Variants in TMIGD3 observed in about 807,000 individuals in gnomAD.
The protein encoded by TMIGD3 is transmembrane and immunoglobulin domain containing 3.
Under a neutral mutation model 28.1 loss-of-function variants are expected in TMIGD3, and 21 were observed. The ratio of observed to expected loss-of-function variants is 0.75; its 90% CI spans 0.53 to 1.08. TMIGD3 has a LOEUF of 1.08. Among genes scored for constraint, TMIGD3 ranks in the 50% least tolerant of loss-of-function variants. The pLI, the probability that TMIGD3 is intolerant of heterozygous loss-of-function variation, is 0.00. For missense variants in TMIGD3, 416 were observed against 435.6 expected (o/e 0.96, Z 0.40); for synonymous variants, 151 against 162.1 (o/e 0.93, Z 0.52).
chr1:111,554,348 A>T (rs997516863), intron 1 of TMIGD3, among the ~76,000 whole-genome samples: 5 of 152,252 alleles, frequency 3.3e-5, no homozygotes, highest in Admixed American at 1.3e-4. Flanking sequence ...ATAAAAAATT[A>T]AAAACATCTT....
chr1:111,499,626 C>G, intron 1 of TMIGD3: 2 of 1,115,666 alleles, frequency 1.8e-6, no homozygotes, highest in Non-Finnish European at 2.2e-6. Flanking sequence ...AGCCTTTTGT[C>G]AGTAAGTCAA....
intron 1 of TMIGD3, 45 bp downstream of exon 1, chr1:111,502,959 AT>A: frequency 1.3e-6 from 2 of 1,598,178 alleles, no homozygotes; most frequent in Non-Finnish European, 1.7e-6. Context: ...TTGTAGCCTC[AT>A]TTCCCAGCTG....
At chr1:111,563,244 A>G (rs569316937) in intron 1 of TMIGD3, among the ~76,000 whole-genome samples, 72 of 152,270 alleles carry the variant, frequency 4.7e-4, no homozygotes, top group African/African-American at 1.7e-3. Context: ...CCACTGTACT[A>G]CAGCCAGGGC....
upstream of TMIGD3, among the ~76,000 whole-genome samples, chr1:111,506,805 G>A (rs1465988367): frequency 4.0e-5 from 6 of 151,754 alleles, no homozygotes; most frequent in South Asian, 2.1e-4. Flanking sequence ...TGAGCAGGTC[G>A]CTGGTAAGGC....
At chr1:111,525,370 A>G (rs541507331) in intron 1 of TMIGD3, among the ~76,000 whole-genome samples, 1 of 152,374 alleles carries the variant, frequency 6.6e-6, no homozygotes, top group South Asian at 2.1e-4. Flanking sequence ...ATAAAAGTTT[A>G]GAATTACTAG....
upstream of TMIGD3, among the ~76,000 whole-genome samples, chr1:111,507,009 ATGTG>A (rs1257817741): frequency 2.5e-4 from 33 of 132,178 alleles, no homozygotes; most frequent in South Asian, 4.7e-4. Flanking sequence ...ACACACACAT[ATGTG>A]TGTGTGTGTG....
intron 1 of TMIGD3, among the ~76,000 whole-genome samples, chr1:111,520,997 T>C (rs1218911798): frequency 6.7e-6 from 1 of 149,644 alleles, no homozygotes; most frequent in African/African-American, 2.5e-5. Context: ...CTCTTTGTAA[T>C]CCCTCCCTCC....
At chr1:111,484,902 T>C (rs1240019414) in intron 5 of TMIGD3, among the ~76,000 whole-genome samples, 1 of 152,244 alleles carries the variant, frequency 6.6e-6, no homozygotes, top group African/African-American at 2.4e-5. Context: ...CAGTGGCAAC[T>C]GTGCAATGTT....
At chr1:111,522,835 A>G (rs954308058) in intron 1 of TMIGD3, among the ~76,000 whole-genome samples, 17 of 152,054 alleles carry the variant, frequency 1.1e-4, no homozygotes, top group African/African-American at 3.9e-4. Context: ...CTTAAATTTC[A>G]GTGTCTCATG....
intron 3 of TMIGD3, among the ~76,000 whole-genome samples, chr1:111,487,041 C>G (rs1323745024): frequency 6.6e-6 from 1 of 152,224 alleles, no homozygotes; most frequent in African/African-American, 2.4e-5. Context: ...GAGGGCCAAT[C>G]CTATCCTTAA....
chr1:111,549,370 T>C (rs2101033526), intron 1 of TMIGD3, among the ~76,000 whole-genome samples: 1 of 150,062 alleles, frequency 6.7e-6, no homozygotes, highest in African/African-American at 2.5e-5. Flanking sequence ...ATGGTCGGGC[T>C]GGGCACGGTG....
chr1:111,494,888 A>G (rs1654822660), intron 1 of TMIGD3, among the ~76,000 whole-genome samples: 2 of 152,244 alleles, frequency 1.3e-5, no homozygotes, highest in African/African-American at 4.8e-5. Context: ...CAAAACAAGC[A>G]GTGGGGAAAA....
intron 1 of TMIGD3, among the ~76,000 whole-genome samples, chr1:111,535,456 C>G (rs1290568526): frequency 6.6e-6 from 1 of 152,190 alleles, no homozygotes; most frequent in African/African-American, 2.4e-5. Flanking sequence ...CTTTTGAAAT[C>G]AGATGGGCAT....
At chr1:111,492,271 A>C (rs892118079) in intron 1 of TMIGD3, among the ~76,000 whole-genome samples, 4 of 152,216 alleles carry the variant, frequency 2.6e-5, no homozygotes, top group African/African-American at 7.2e-5. Context: ...TCTGCCCCTT[A>C]GAAACCATAA....
At chr1:111,540,857 C>T (rs1018824824) in intron 1 of TMIGD3, among the ~76,000 whole-genome samples, 3 of 152,186 alleles carry the variant, frequency 2.0e-5, no homozygotes, top group African/African-American at 7.2e-5. Context: ...TTTCCTAATG[C>T]CCTGTTTCCA....
chr1:111,524,467 T>A (rs892563369), intron 1 of TMIGD3, among the ~76,000 whole-genome samples: 1 of 152,238 alleles, frequency 6.6e-6, no homozygotes, highest in Non-Finnish European at 1.5e-5. Context: ...GTCAGTAGTA[T>A]GGTTTTGTCA....
chr1:111,544,688 C>G (rs549888141), intron 1 of TMIGD3, among the ~76,000 whole-genome samples: 1 of 152,244 alleles, frequency 6.6e-6, no homozygotes, highest in African/African-American at 2.4e-5. Flanking sequence ...TTTGCGTGAA[C>G]ATATGTTTTT....
At chr1:111,553,458 AC>A (rs1657354019) in intron 1 of TMIGD3, among the ~76,000 whole-genome samples, 1 of 152,230 alleles carries the variant, frequency 6.6e-6, no homozygotes, top group Non-Finnish European at 1.5e-5. Context: ...CATGTCTTCC[AC>A]CATCATCCAC....
At chr1:111,493,918 C>G (rs894094839) in intron 1 of TMIGD3, among the ~76,000 whole-genome samples, 2 of 152,140 alleles carry the variant, frequency 1.3e-5, no homozygotes, top group Non-Finnish European at 2.9e-5. Context: ...AAGATGCAGC[C>G]CAAGTGTTCT....
Sources: gnomAD v4.1 joint callset for allele counts (sites outside exome capture counted in the v4.1 genomes callset) on GRCh38, gnomAD v4.1.1 for gene constraint, MANE v1.5 for transcripts, NCBI Gene and HGNC (gene_info 2026-07-23, HGNC 2026-07-21) for gene names.